Variants in PRR5L observed in about 807,000 individuals in gnomAD.
PRR5L encodes the protein proline-rich protein 5-like.
Under a neutral mutation model 36.4 loss-of-function variants are expected in PRR5L, and 21 were observed. The ratio of observed to expected loss-of-function variants is 0.58; its 90% CI spans 0.41 to 0.83. PRR5L has a LOEUF of 0.83. Ranked by LOEUF, PRR5L falls within the 40% of genes least tolerant of loss-of-function variation. PRR5L has a pLI of 0.00. For synonymous variants in PRR5L, 188 were observed against 197.0 expected, an observed-to-expected ratio of 0.95 and a Z score of 0.38; for missense variants, 381 against 473.3, an observed-to-expected ratio of 0.80 and a Z score of 1.81.
chr11:36,370,292 C>A (rs749204623), intron 1 of PRR5L, among the ~76,000 whole-genome samples: 23 of 152,206 alleles, frequency 1.5e-4, no homozygotes, highest in Non-Finnish European at 2.4e-4. Context: ...GTCTCAATTT[C>A]AAAGTTATCT....
chr11:36,345,428 T>C (rs745514835), intron 1 of PRR5L, among the ~76,000 whole-genome samples: 5 of 152,130 alleles, frequency 3.3e-5, no homozygotes, highest in Non-Finnish European at 7.4e-5. Flanking sequence ...GGAGCTGCGG[T>C]TGTTAACCTA....
At chr11:36,352,238 T>C (rs148772624) in intron 1 of PRR5L, among the ~76,000 whole-genome samples, 2,436 of 152,286 alleles carry the variant, frequency 0.016, 26 homozygotes, top group Non-Finnish European at 0.025. Context: ...CTTTTGAGAA[T>C]TGTCTCTCCA....
chr11:36,385,880 G>A (rs535795121), intron 1 of PRR5L, among the ~76,000 whole-genome samples: 16 of 152,304 alleles, frequency 1.1e-4, no homozygotes, highest in Admixed American at 7.8e-4. Context: ...CTACGTCCCC[G>A]TGGACAATAA....
chr11:36,315,339 G>C (rs989006964), intron 1 of PRR5L, among the ~76,000 whole-genome samples: 1 of 152,208 alleles, frequency 6.6e-6, no homozygotes, highest in African/African-American at 2.4e-5. Context: ...GGATAAGAAA[G>C]CATATTTGCC....
intron 1 of PRR5L, chr11:36,376,361 G>GAGA (rs1407282722): frequency 8.7e-7 from 1 of 1,153,168 alleles, no homozygotes; most frequent in Non-Finnish European, 1.1e-6. Flanking sequence ...GGAGGAGGAG[G>GAGA]AGGAGGAGGA....
chr11:36,406,471 A>G (rs10836551), intron 3 of PRR5L, among the ~76,000 whole-genome samples: 34,838 of 152,122 alleles, frequency 0.23, 5,658 homozygotes, highest in African/African-American at 0.47. Context: ...ATATAACTGA[A>G]GATGTGAAGT....
chr11:36,399,645 G>A (rs1857747937), intron 1 of PRR5L, among the ~76,000 whole-genome samples: 1 of 152,214 alleles, frequency 6.6e-6, no homozygotes, highest in African/African-American at 2.4e-5. Flanking sequence ...GAGAGAGATG[G>A]CAGTGAAAAC....
At chr11:36,396,762 G>T (rs1268835174) in intron 1 of PRR5L, among the ~76,000 whole-genome samples, 2 of 152,182 alleles carry the variant, frequency 1.3e-5, no homozygotes, top group African/African-American at 4.8e-5. Flanking sequence ...AGCTCATAGG[G>T]AGTGGGTGTC....
At chr11:36,431,992 G>A in intron 5 of PRR5L, 82 bp downstream of exon 5, 1 of 1,230,876 alleles carries the variant, frequency 8.1e-7, no homozygotes, top group Non-Finnish European at 1.2e-6. Flanking sequence ...CTTCTGTCCA[G>A]AAGGGGCAGG....
At chr11:36,317,197 C>T (rs1246536179) in intron 1 of PRR5L, among the ~76,000 whole-genome samples, 1 of 152,224 alleles carries the variant, frequency 6.6e-6, no homozygotes, top group Non-Finnish European at 1.5e-5. Flanking sequence ...CTTTACAGGG[C>T]TTGTCTGCCT....
intron 4 of PRR5L, among the ~76,000 whole-genome samples, chr11:36,420,913 C>T (rs1275605305): frequency 6.6e-6 from 1 of 151,390 alleles, no homozygotes; most frequent in Non-Finnish European, 1.5e-5. Flanking sequence ...AACCAAGACC[C>T]AACAGAAGCC....
intron 1 of PRR5L, among the ~76,000 whole-genome samples, chr11:36,398,198 C>T (rs554125756): frequency 6.6e-6 from 1 of 152,354 alleles, no homozygotes; most frequent in South Asian, 2.1e-4. Context: ...CGGGGAATAG[C>T]TCTCACAGTC....
At position 36,464,945 on chromosome 11, in the gene PRR5L, C is replaced by G. The variant is rs2133645766; in HGVS notation, c.*2209C>G. 6.6e-6 allele frequency: 1 copy of G among 152,242 alleles called. No homozygotes were observed. The highest frequency in any genetic ancestry group is 1.9e-4 in the East Asian group (1 of 5,174). 9.4% of individuals were successfully genotyped at this position (152,242 alleles called of 1,614,324 possible). The stretch of plus-strand genomic sequence containing the variant: ...TCGATGTACACATTTGATATTTGTG[C>G]AGTAAATAGACTGTACCTATAAAAA... On this transcript the variant is annotated 3_prime_UTR_variant, in exon 9 of 9. Transcript: ENST00000530639.
chr11:36,443,023 G>C (rs1296320320), intron 6 of PRR5L, among the ~76,000 whole-genome samples: 1 of 152,100 alleles, frequency 6.6e-6, no homozygotes, highest in East Asian at 1.9e-4. Context: ...CCAATTTTCT[G>C]TATTAGTTCA....
intron 5 of PRR5L, 47 bp from the exon 6 acceptor site, chr11:36,437,338 A>T (rs909893600): frequency 1.6e-6 from 2 of 1,236,786 alleles, no homozygotes; most frequent in South Asian, 2.4e-5. Flanking sequence ...AGTAATGACG[A>T]ATTCTTTTCT....
chr11:36,420,915 A>C (rs1235707000), intron 4 of PRR5L, among the ~76,000 whole-genome samples: 1 of 151,616 alleles, frequency 6.6e-6, no homozygotes, highest in Non-Finnish European at 1.5e-5. Flanking sequence ...CCAAGACCCA[A>C]CAGAAGCCTG....
chr11:36,406,013 T>G (rs895044523), intron 3 of PRR5L, among the ~76,000 whole-genome samples: 1 of 152,162 alleles, frequency 6.6e-6, no homozygotes, highest in Non-Finnish European at 1.5e-5. Context: ...TTGGGGGGAC[T>G]CATAGCAACA....
At chr11:36,384,656 CTCTCTTCTT>C (rs1857425827) in intron 1 of PRR5L, among the ~76,000 whole-genome samples, 1 of 102,728 alleles carries the variant, frequency 9.7e-6, no homozygotes, top group Admixed American at 1.2e-4. Context: ...TTTTCTTTTT[CTCTCTTCTT>C]TCTTTCTTTC....
In PRR5L at chr11:36,447,748, C is replaced by T. The variant is rs182037005; in HGVS notation, c.585+1308C>T. Among the ~76,000 whole-genome samples, 28 of 152,306 alleles carry T rather than the reference C, an allele frequency of 1.8e-4. No homozygotes were observed. The East Asian group carries it at 4.1e-3, about 22-fold the overall frequency. On this transcript the variant is annotated intron_variant, in intron 7 of 8. Transcript: ENST00000530639. ...GGCCATCCTTCTGGGCATTCTCCCCCTTTCCTGTAATTAGAGAGGAGGAAG... is the reference window on the plus strand; with the variant it reads ...GGCCATCCTTCTGGGCATTCTCCCCTTTTCCTGTAATTAGAGAGGAGGAAG...
Sources: gnomAD v4.1 joint callset for allele counts (sites outside exome capture counted in the v4.1 genomes callset) on GRCh38, gnomAD v4.1.1 for gene constraint, MANE v1.5 for transcripts, NCBI Gene and HGNC (gene_info 2026-07-23, HGNC 2026-07-21) for gene names.